The following PRELID2 variants were observed in gnomAD, a reference collection of about 807,000 sequenced individuals.
PRELID2 encodes PRELI domain containing 2.
PRELID2 carries 25 observed loss-of-function variants against 28.4 expected under a neutral mutation model. The observed-to-expected ratio is 0.88, with a 90% CI of 0.64 to 1.23. The LOEUF (loss-of-function observed/expected upper bound fraction) is 1.23. PRELID2 is among the 50% of genes most tolerant of loss of function. The pLI is 0.00. For missense variants in PRELID2, 201 were observed against 214.4 expected (o/e 0.94, Z 0.39); for synonymous variants, 76 against 71.6 (o/e 1.06, Z -0.31).
intron 1 of PRELID2, among the ~76,000 whole-genome samples, chr5:145,714,073 T>C (rs939108648): frequency 1.3e-5 from 2 of 151,990 alleles, no homozygotes; most frequent in African/African-American, 4.8e-5. Context: ...GAGCTCCTGA[T>C]GACTGCACCT....
chr5:145,460,141 G>T, the PRELID2 span, among the ~76,000 whole-genome samples: 1 of 152,116 alleles, frequency 6.6e-6, no homozygotes, highest in African/African-American at 2.4e-5. Context: ...ATGACCAAGA[G>T]TTATCACAAT....
chr5:145,229,112 C>CAA, the PRELID2 span: 7 of 1,407,226 alleles, frequency 5.0e-6, no homozygotes, highest in Non-Finnish European at 7.0e-6. Flanking sequence ...GCATCGCCCA[C>CAA]AAAAAAGTGG....
the PRELID2 span, among the ~76,000 whole-genome samples, chr5:145,267,275 C>A: frequency 1.3e-5 from 2 of 152,084 alleles, no homozygotes; most frequent in African/African-American, 2.4e-5. Flanking sequence ...TGGTGCCCAC[C>A]CAGATTAAGA....
At chr5:145,436,521 G>T in the PRELID2 span, among the ~76,000 whole-genome samples, 1 of 152,114 alleles carries the variant, frequency 6.6e-6, no homozygotes, top group African/African-American at 2.4e-5. Flanking sequence ...TTCCACAATG[G>T]CTGGACTAAT....
chr5:145,235,577 C>A, the PRELID2 span, among the ~76,000 whole-genome samples: 1 of 152,038 alleles, frequency 6.6e-6, no homozygotes, highest in Non-Finnish European at 1.5e-5. Context: ...TGTGTCTGTG[C>A]TCTTTTGCTG....
chr5:145,377,503 CT>C, the PRELID2 span, among the ~76,000 whole-genome samples: 1 of 152,124 alleles, frequency 6.6e-6, no homozygotes, highest in Non-Finnish European at 1.5e-5. Context: ...AAATCTAAGT[CT>C]TTTTTAAGGT....
At chr5:145,332,654 AT>A in the PRELID2 span, among the ~76,000 whole-genome samples, 1 of 152,064 alleles carries the variant, frequency 6.6e-6, no homozygotes, top group East Asian at 1.9e-4. Context: ...GGTTATTCTA[AT>A]TAGCAATTCT....
At chr5:145,481,655 A>G (rs1345159331) in intron 1 of PRELID2, among the ~76,000 whole-genome samples, 2 of 132,250 alleles carry the variant, frequency 1.5e-5, no homozygotes, top group African/African-American at 5.7e-5. Context: ...AAAAAAAAAG[A>G]AAGAAAGAAA....
At chr5:145,487,241 T>TAA (rs67760227) in intron 1 of PRELID2, among the ~76,000 whole-genome samples, 30,109 of 147,344 alleles carry the variant, frequency 0.2, 3,366 homozygotes, top group South Asian at 0.36. Context: ...TAAAGTATAA[T>TAA]AATAAAAAAA....
the PRELID2 span, among the ~76,000 whole-genome samples, chr5:145,457,823 G>T: frequency 7.2e-5 from 11 of 152,150 alleles, no homozygotes; most frequent in African/African-American, 2.4e-4. Context: ...TCTCTATTGG[G>T]GTTACATATT....
intron 1 of PRELID2, among the ~76,000 whole-genome samples, chr5:145,683,358 A>G (rs567869044): frequency 1.3e-5 from 2 of 152,324 alleles, no homozygotes; most frequent in African/African-American, 4.8e-5. Flanking sequence ...AGTCCAAAAA[A>G]TATCATAACC....
chr5:145,404,063 C>T, the PRELID2 span, among the ~76,000 whole-genome samples: 2 of 152,148 alleles, frequency 1.3e-5, no homozygotes, highest in African/African-American at 4.8e-5. Context: ...TGATTTGAAG[C>T]GGATTAAATA....
the PRELID2 span, among the ~76,000 whole-genome samples, chr5:145,384,512 T>C: frequency 3.3e-5 from 5 of 152,170 alleles, no homozygotes; most frequent in Non-Finnish European, 7.3e-5. Flanking sequence ...ATGAAAGGTT[T>C]CATACTGTAT....
At chr5:145,785,703 C>T (rs1751949682) in intron 5 of PRELID2, among the ~76,000 whole-genome samples, 1 of 152,170 alleles carries the variant, frequency 6.6e-6, no homozygotes, top group East Asian at 1.9e-4. Flanking sequence ...TAGAAATGGA[C>T]TGTCATTAAC....
At chr5:145,237,962 C>T in the PRELID2 span, among the ~76,000 whole-genome samples, 1 of 152,062 alleles carries the variant, frequency 6.6e-6, no homozygotes, top group Non-Finnish European at 1.5e-5. Context: ...CCCCAACCCT[C>T]CAATCCTACT....
rs1023761874 is a variant in PRELID2, at chr5:145,757,150, G to A, written c.*3386C>T. 3.3e-5 allele frequency among the ~76,000 whole-genome samples: 5 copies of A among 152,146 alleles called. No individual in the cohort carries two copies. Among genetic ancestry groups the A allele is most frequent in the Admixed American group, 6.6e-5 (1 of 15,254 alleles). On this transcript the variant is annotated 3_prime_UTR_variant, in exon 7 of 7. Coordinates refer to ENST00000683046, the MANE Select transcript of PRELID2 (RefSeq NM_205846.3). ...CCTTGAGTTTTCTACACCATGCACC[G>A]CACAATGTCTGATAAACAAGTATCA...
chr5:145,270,062 T>A, the PRELID2 span, among the ~76,000 whole-genome samples: 67 of 151,802 alleles, frequency 4.4e-4, no homozygotes, highest in African/African-American at 1.4e-3. Flanking sequence ...CTAGAATGAT[T>A]ACTATTAAAA....
chr5:145,395,669 A>C, the PRELID2 span, among the ~76,000 whole-genome samples: 1 of 152,226 alleles, frequency 6.6e-6, no homozygotes, highest in South Asian at 2.1e-4. Flanking sequence ...GTTATGCAAC[A>C]TAATTTTCTC....
At chr5:145,355,570 A>G in the PRELID2 span, among the ~76,000 whole-genome samples, 1 of 152,230 alleles carries the variant, frequency 6.6e-6, no homozygotes, top group Middle Eastern at 3.4e-3. Flanking sequence ...AAGGCAGCAA[A>G]CCATGCATAT....
Sources: allele counts gnomAD v4.1 joint callset (sites outside exome capture counted in the v4.1 genomes callset), GRCh38; gene constraint gnomAD v4.1.1; transcripts MANE v1.5; gene names NCBI Gene and HGNC (gene_info 2026-07-23, HGNC 2026-07-21).